Variants in TBC1D22A observed in about 807,000 individuals in gnomAD.
TBC1D22A encodes putative GTPase activator.
A neutral mutation model predicts 60.2 loss-of-function variants in TBC1D22A; 38 were observed. That is an observed-to-expected ratio of 0.63 (90% CI 0.49 to 0.83). The LOEUF is 0.83. Among genes scored for constraint, TBC1D22A ranks in the 40% least tolerant of loss-of-function variants. The pLI, the probability that TBC1D22A is intolerant of heterozygous loss-of-function variation, is 0.00. For missense variants in TBC1D22A, 628 were observed against 701.0 expected (o/e 0.90, Z 1.18); for synonymous variants, 302 against 281.7 (o/e 1.07, Z -0.72).
intron 11 of TBC1D22A, among the ~76,000 whole-genome samples, chr22:47,092,553 A>C (rs780603663): frequency 2.0e-5 from 3 of 152,116 alleles, no homozygotes; most frequent in Non-Finnish European, 4.4e-5. Context: ...TGGTGTGCAC[A>C]GGGGTGAGCC....
intron 9 of TBC1D22A, among the ~76,000 whole-genome samples, chr22:46,992,497 G>A (rs576829119): frequency 3.3e-5 from 5 of 152,356 alleles, no homozygotes; most frequent in African/African-American, 1.2e-4. Flanking sequence ...TCAGGGAATC[G>A]TGGGAACTCT....
At chr22:47,024,810 TC>T (rs2062201097) in intron 10 of TBC1D22A, among the ~76,000 whole-genome samples, 1 of 151,966 alleles carries the variant, frequency 6.6e-6, no homozygotes, top group Admixed American at 6.6e-5. Flanking sequence ...TGAGCCATGA[TC>T]ACGCTGCAGC....
chr22:47,094,538 A>G (rs1423528663), intron 11 of TBC1D22A, among the ~76,000 whole-genome samples: 1 of 152,194 alleles, frequency 6.6e-6, no homozygotes, highest in East Asian at 1.9e-4. Context: ...TCAAGCCTCT[A>G]CAATGGCATG....
At chr22:47,039,704 GAAA>G (rs34793078) in intron 11 of TBC1D22A, among the ~76,000 whole-genome samples, 2 of 81,458 alleles carry the variant, frequency 2.5e-5, no homozygotes, top group Admixed American at 1.6e-4. Context: ...TGCATTTCAG[GAAA>G]AAAAAAAAAA....
At chr22:46,993,561 G>A (rs377205177) in intron 9 of TBC1D22A, among the ~76,000 whole-genome samples, 80 of 152,344 alleles carry the variant, frequency 5.3e-4, no homozygotes, top group African/African-American at 1.9e-3. Flanking sequence ...CAGCACAGGT[G>A]ATCTGGGTGC....
rs536330305 is a variant in TBC1D22A at position 46,874,818 on chromosome 22, C to T, written c.638-3835C>T. Among the ~76,000 whole-genome samples the T allele has an allele frequency of 2.8e-4, 42 of 152,226 alleles. 1 individual carries two copies. The East Asian group carries it at 6.9e-3, about 25-fold the overall frequency. ...CGAATTCCTCACCTCAAATGATCTG[C>T]CCGCCTTGGCCTCCCAAAGTGCTAG... On this transcript the variant is annotated intron_variant, in intron 4 of 12. Transcript: ENST00000337137.
At chr22:47,059,116 T>G (rs1323380825) in intron 11 of TBC1D22A, among the ~76,000 whole-genome samples, 1 of 152,226 alleles carries the variant, frequency 6.6e-6, no homozygotes, top group African/African-American at 2.4e-5. Flanking sequence ...GATGAGAACA[T>G]CAAGGCTCGG....
At chr22:46,798,306 G>T (rs73477352) in intron 4 of TBC1D22A, among the ~76,000 whole-genome samples, 2,255 of 152,362 alleles carry the variant, frequency 0.015, 59 homozygotes, top group African/African-American at 0.052. Flanking sequence ...GGGGCACAGC[G>T]CTGGTGACCA....
At chr22:46,872,649 G>T (rs2067344863) in intron 4 of TBC1D22A, among the ~76,000 whole-genome samples, 1 of 152,218 alleles carries the variant, frequency 6.6e-6, no homozygotes, top group Admixed American at 6.5e-5. Flanking sequence ...CAGCATAAGT[G>T]GGGGAACCCT....
chr22:46,895,473 G>A (rs988535131), intron 7 of TBC1D22A, among the ~76,000 whole-genome samples: 2 of 152,028 alleles, frequency 1.3e-5, no homozygotes, highest in Admixed American at 6.5e-5. Flanking sequence ...TCCTGGGTTC[G>A]GGTGATTCTT....
rs111806060 is a variant in TBC1D22A, at chr22:46,888,455, A to G, written c.709-2811A>G. On this transcript the variant is annotated intron_variant, in intron 5 of 12. Coordinates refer to ENST00000337137, the MANE Select transcript of TBC1D22A (RefSeq NM_014346.5). Reference sequence around the variant, plus strand: ...TATTTGTTCATTCAGTCACTCGTTCATATGTGATTCACCCAGTGAAAGCTT... The same window carrying G: ...TATTTGTTCATTCAGTCACTCGTTCGTATGTGATTCACCCAGTGAAAGCTT... 6.5e-3 allele frequency among the ~76,000 whole-genome samples: 944 copies of G among 144,516 alleles called. 9 individuals carry two copies. Among genetic ancestry groups the G allele is most frequent in the African/African-American group, 0.022 (894 of 40,014 alleles). 94.8% of individuals were successfully genotyped at this position (144,516 alleles called of 152,430 possible).
chr22:46,844,906 T>TG (rs1287167485), intron 4 of TBC1D22A, among the ~76,000 whole-genome samples: 4 of 152,172 alleles, frequency 2.6e-5, no homozygotes, highest in African/African-American at 9.7e-5. Flanking sequence ...AAGTATTGCC[T>TG]GGGTGGTCTC....
intron 1 of TBC1D22A, among the ~76,000 whole-genome samples, chr22:46,781,054 C>T (rs1431782393): frequency 2.0e-5 from 3 of 152,050 alleles, no homozygotes; most frequent in South Asian, 2.1e-4. Flanking sequence ...CCCCCTGCCC[C>T]GACCCCCACA....
At chr22:47,101,247 T>G (rs2065403081) in intron 11 of TBC1D22A, among the ~76,000 whole-genome samples, 1 of 152,230 alleles carries the variant, frequency 6.6e-6, no homozygotes, top group Non-Finnish European at 1.5e-5. Flanking sequence ...GACTCGCTCG[T>G]TAAATGACAC....
intron 4 of TBC1D22A, among the ~76,000 whole-genome samples, chr22:46,815,664 C>T (rs773087840): frequency 6.6e-6 from 1 of 152,330 alleles, no homozygotes; most frequent in South Asian, 2.1e-4. Flanking sequence ...TAAGCATCTG[C>T]CTGGTGCTGG....
At chr22:46,930,197 C>T (rs1309532313) in intron 8 of TBC1D22A, among the ~76,000 whole-genome samples, 1 of 152,164 alleles carries the variant, frequency 6.6e-6, no homozygotes, top group Non-Finnish European at 1.5e-5. Context: ...CATCAGACCA[C>T]GCCGGCCTGC....
intron 9 of TBC1D22A, among the ~76,000 whole-genome samples, chr22:46,992,587 C>T (rs948907000): frequency 7.2e-5 from 11 of 152,360 alleles, no homozygotes; most frequent in African/African-American, 9.6e-5. Flanking sequence ...CCCAGGCCTG[C>T]GTGTTTGACT....
intron 8 of TBC1D22A, among the ~76,000 whole-genome samples, chr22:46,967,470 T>G (rs1042481794): frequency 5.9e-5 from 9 of 152,240 alleles, no homozygotes; most frequent in African/African-American, 1.9e-4. Context: ...GATTACCAGT[T>G]AAGCTCCTAA....
intron 7 of TBC1D22A, among the ~76,000 whole-genome samples, chr22:46,896,479 G>A (rs759992643): frequency 2.5e-4 from 38 of 152,080 alleles, no homozygotes; most frequent in African/African-American, 8.5e-4. Flanking sequence ...TGCTTTTCAC[G>A]CCTCTGTGTT....
Sources: gnomAD v4.1 joint callset for allele counts (sites outside exome capture counted in the v4.1 genomes callset) on GRCh38, gnomAD v4.1.1 for gene constraint, MANE v1.5 for transcripts, NCBI Gene and HGNC (gene_info 2026-07-23, HGNC 2026-07-21) for gene names.